ERCC6: variants seen among roughly 807,000 people sequenced by gnomAD.
The protein encoded by ERCC6 is ERCC excision repair 6, chromatin remodeling factor.
ERCC6 carries 116 observed loss-of-function variants against 158.7 expected under a neutral mutation model. The ratio of observed to expected loss-of-function variants is 0.73; its 90% CI spans 0.63 to 0.85. The LOEUF (loss-of-function observed/expected upper bound fraction) is 0.85, where lower values mean the gene tolerates loss of function less well. ERCC6 is among the 40% of genes least tolerant of loss of function. ERCC6 has a pLI of 0.00. For missense variants in ERCC6, 1,698 were observed against 1,799.4 expected, an observed-to-expected ratio of 0.94 and a Z score of 1.02; for synonymous variants, 678 against 659.3, an observed-to-expected ratio of 1.03 and a Z score of -0.43.
In ERCC6 at chr10:49,469,918, A is replaced by G. The variant is rs536693894; in HGVS notation, c.3778+264T>C. 3.2e-4 allele frequency among the ~76,000 whole-genome samples: 49 copies of G among 152,376 alleles called. 1 individual carries two copies. The Middle Eastern group carries it at 0.014, about 42-fold the overall frequency. Reference sequence around the variant, plus strand: ...CTGCCTACTAATGTTCAGGTAGTACACATCGATTTAAGAATTGCACACCTC... The same window carrying G: ...CTGCCTACTAATGTTCAGGTAGTACGCATCGATTTAAGAATTGCACACCTC... On this transcript the variant is annotated intron_variant, in intron 18 of 20. Coordinates refer to ENST00000355832, the MANE Select transcript of ERCC6 (RefSeq NM_000124.4).
chr10:49,472,278 T>C (rs1850794028), intron 16 of ERCC6, 98 bp downstream of exon 16: 1 of 1,045,686 alleles, frequency 9.6e-7, no homozygotes, highest in South Asian at 1.3e-5. Flanking sequence ...CAACTATTAT[T>C]CTAAGATGTT....
downstream of ERCC6, among the ~76,000 whole-genome samples, chr10:49,451,639 A>G (rs1850421457): frequency 6.6e-6 from 1 of 152,074 alleles, no homozygotes; most frequent in Non-Finnish European, 1.5e-5. Context: ...GTGCATAATT[A>G]TTTTTATATG....
intron 7 of ERCC6, among the ~76,000 whole-genome samples, chr10:49,496,179 G>A (rs1230765439): frequency 1.3e-5 from 2 of 152,006 alleles, no homozygotes; most frequent in African/African-American, 4.8e-5. Flanking sequence ...TAGCTTCCTC[G>A]ACAAAGCCTT....
Position 49,474,115 on chromosome 10 carries a change from C to G in ERCC6, c.2510G>C (p.Arg837Pro). 6.2e-7 allele frequency: 1 copy of G among 1,614,162 alleles called. No homozygotes were observed. Among genetic ancestry groups the G allele is most frequent in the Non-Finnish European group, 8.5e-7 (1 of 1,180,030 alleles). The change falls in exon 13 of 21, where the codon CGT (arginine) becomes CCT (proline). Residue 837 changes from arginine to proline, a missense_variant. Coordinates refer to ENST00000355832, the MANE Select transcript of ERCC6 (RefSeq NM_000124.4). ...CTCAACAACAATCATTTTCCCAGAACGTTTCCAGTACCCAAACTGATCTTC... is the reference window on the plus strand; with the variant it reads ...CTCAACAACAATCATTTTCCCAGAAGGTTTCCAGTACCCAAACTGATCTTC... Reference protein sequence around the residue: ...LEEDQFGYWKRSGKMIVVESL... With the variant: ...LEEDQFGYWKPSGKMIVVESL...
intron 12 of ERCC6, 131 bp from the exon 13 acceptor site, chr10:49,474,373 A>G: frequency 1.4e-6 from 1 of 714,132 alleles, no homozygotes; most frequent in Non-Finnish European, 2.5e-6. Context: ...TTTCTTCTCT[A>G]GTCACAGCAT....
Position 49,458,992 on chromosome 10 carries a change from G to A in ERCC6, c.4305C>T (p.Ile1435=), listed in dbSNP as rs1377171665. Residue 1435 remains isoleucine, a synonymous_variant, in exon 21 of 21, where the codon ATC becomes ATT. Coordinates refer to ENST00000355832, the MANE Select transcript of ERCC6 (RefSeq NM_000124.4). ...GGCCATCAGTGTGGGCCTGGAAAGC[G>A]ATGAAGTTTCTCATCTCCACCAGAA... ...DDLLVEMRNF[I]AFQAHTDGQA... 15 of 1,614,068 alleles carry A rather than the reference G, an allele frequency of 9.3e-6. No homozygotes were observed. The highest frequency in any genetic ancestry group is 2.7e-5 in the African/African-American group (2 of 74,924).
At position 49,515,363 on chromosome 10, in the gene ERCC6, C is replaced by A. The variant is rs770355997; in HGVS notation, c.1397+8670G>T. On this transcript the variant is annotated intron_variant, in intron 5 of 20. Transcript: ENST00000355832. Reference sequence around the variant, plus strand: ...CAGTGTGATATTCAACGGAACACTTCACATGTAAGGCAACATCACATTTTT... The same window carrying A: ...CAGTGTGATATTCAACGGAACACTTAACATGTAAGGCAACATCACATTTTT... 12 of 1,612,940 alleles carry A rather than the reference C, an allele frequency of 7.4e-6. No individual in the cohort carries two copies. In the Admixed American group the frequency reaches 2.0e-4, roughly 27 times the overall value.
chr10:49,532,452 A>G, intron 2 of ERCC6, 91 bp downstream of exon 2: 1 of 1,586,596 alleles, frequency 6.3e-7, no homozygotes, highest in Non-Finnish European at 8.5e-7. Context: ...CACATCTCCT[A>G]AACTTCTGGA....
In ERCC6 at chr10:49,455,835, C is replaced by T. The variant is rs1003569815; in HGVS notation, c.*2980G>A. 2.6e-5 allele frequency: 4 copies of T among 152,108 alleles called. No individual in the cohort carries two copies. Among genetic ancestry groups the T allele is most frequent in the Non-Finnish European group, 5.9e-5 (4 of 68,028 alleles). 9.4% of individuals were successfully genotyped at this position (152,108 alleles called of 1,614,324 possible). A position where few individuals can be genotyped will look rare whatever the true frequency, so the allele number is the denominator to read the frequency against. On this transcript the variant is annotated 3_prime_UTR_variant, in exon 21 of 21. Coordinates refer to ENST00000355832, the MANE Select transcript of ERCC6 (RefSeq NM_000124.4). ...AGTGAAAACAAGGTACTTTCAATCA[C>T]GAGACTGGTTAAAACAAAACAAAAC... is the stretch of plus-strand genomic sequence containing the variant.
intron 18 of ERCC6, among the ~76,000 whole-genome samples, chr10:49,468,698 G>A (rs906392750): frequency 1.6e-4 from 25 of 152,198 alleles, no homozygotes; most frequent in African/African-American, 5.8e-4. Flanking sequence ...TATTGGCTAC[G>A]AAAGCAATGA....
intron 8 of ERCC6, among the ~76,000 whole-genome samples, chr10:49,489,826 C>T (rs1851141156): frequency 6.6e-6 from 1 of 152,202 alleles, no homozygotes; most frequent in Admixed American, 6.5e-5. Context: ...ATAGGTATCA[C>T]AAGACTGCCT....
In ERCC6 at chr10:49,472,952, A is replaced by G. The variant is rs1309048010; in HGVS notation, c.2786T>C (p.Val929Ala). 6.2e-7 allele frequency: 1 copy of G among 1,614,072 alleles called. No individual in the cohort carries two copies. The highest frequency in any genetic ancestry group is 1.7e-5 in the Admixed American group (1 of 60,020). The change falls in exon 15 of 21, where the codon GTT (valine) becomes GCT (alanine). Residue 929 changes from valine to alanine, a missense_variant. Transcript: ENST00000355832. Reference sequence around the variant, plus strand: ...GTTCCAGTCTGGGTCATAGATGACAACTCTGTTTGCCCCCGTCAGGTTGAC... The same window carrying G: ...GTTCCAGTCTGGGTCATAGATGACAGCTCTGTTTGCCCCCGTCAGGTTGAC... ...LGVNLTGANR[V>A]VIYDPDWNPS...
At chr10:49,465,902 T>A (rs1238882219) in intron 18 of ERCC6, among the ~76,000 whole-genome samples, 1 of 151,764 alleles carries the variant, frequency 6.6e-6, no homozygotes, top group Non-Finnish European at 1.5e-5. Context: ...CAGAAACACA[T>A]GAAGGAAATG....
rs79543342 is a variant in ERCC6, at chr10:49,497,198, G to A, written c.1685+3340C>T. Among the ~76,000 whole-genome samples, 5 of 152,336 alleles carry A rather than the reference G, an allele frequency of 3.3e-5. No homozygotes were observed. In the East Asian group the frequency reaches 9.7e-4, roughly 29 times the overall value. On this transcript the variant is annotated intron_variant, in intron 7 of 20. Transcript: ENST00000355832. ...GCCCCTTGAGCTCCCCAAGGAGAGT[G>A]GGACTCTGCCTGGCCCCTTCCATGG...
Position 49,458,549 on chromosome 10 carries a change from T to G in ERCC6, c.*266A>C. The G allele has an allele frequency of 4.6e-6, 2 of 439,102 alleles. No individual in the cohort carries two copies. Among genetic ancestry groups the G allele is most frequent in the Non-Finnish European group, 8.3e-6 (2 of 240,712 alleles). The allele number at this position is 439,102 out of a possible 1,614,324, so 27.2% of individuals were successfully genotyped here. On this transcript the variant is annotated 3_prime_UTR_variant, in exon 21 of 21. Coordinates refer to ENST00000355832, the MANE Select transcript of ERCC6 (RefSeq NM_000124.4). ...ACAAATGTGCTCCAAGGAGTAACTG[T>G]TAGGTACCTGATTTACAATATAATT...
downstream of ERCC6, among the ~76,000 whole-genome samples, chr10:49,452,374 T>C (rs528414740): frequency 5.9e-5 from 9 of 152,194 alleles, no homozygotes; most frequent in East Asian, 1.7e-3. Flanking sequence ...TGTTGTTCAA[T>C]TTCCTAATTG....
chr10:49,447,903 T>C, the ERCC6 span, among the ~76,000 whole-genome samples: 1 of 152,234 alleles, frequency 6.6e-6, no homozygotes, highest in South Asian at 2.1e-4. Flanking sequence ...AATATTCCAC[T>C]GTGTAGATAG....
chr10:49,482,845 T>C lies in ERCC6; in HGVS notation c.2011A>G (p.Ile671Val), dbSNP rs746104327. The C allele has an allele frequency of 6.2e-7, 1 of 1,614,076 alleles. No individual in the cohort carries two copies. Among genetic ancestry groups the C allele is most frequent in the South Asian group, 1.1e-5 (1 of 91,068 alleles). ...TGCATCGGTGAGCCAGACAGAATGATCCGATGAGGGGTGCGAAACTATTTG... is the reference window on the plus strand; with the variant it reads ...TGCATCGGTGAGCCAGACAGAATGACCCGATGAGGGGTGCGAAACTATTTG... ...ACKQFRTPHR[I>V]ILSGSPMQNN... is the part of the protein sequence containing the mutation. The change falls in exon 10 of 21, where the codon ATC becomes GTC. Residue 671 changes from isoleucine (I) to valine (V), a missense_variant. By Grantham distance (29) the Ile-to-Val change is conservative. Transcript: ENST00000355832.
chr10:49,522,911 C>T (rs964766371), intron 5 of ERCC6, among the ~76,000 whole-genome samples: 2 of 152,066 alleles, frequency 1.3e-5, no homozygotes, highest in Non-Finnish European at 2.9e-5. Flanking sequence ...ATGTGAGTGC[C>T]GCAACTCTAA....
Sources: gnomAD v4.1 joint callset for allele counts (sites outside exome capture counted in the v4.1 genomes callset) on GRCh38, gnomAD v4.1.1 for gene constraint, MANE v1.5 for transcripts, NCBI Gene and HGNC (gene_info 2026-07-23, HGNC 2026-07-21) for gene names.